The following SHPRH variants were observed in gnomAD, a reference collection of about 807,000 sequenced individuals.
The protein encoded by SHPRH is SNF2 histone linker PHD RING helicase, also known as E3 ubiquitin-protein ligase SHPRH.
SHPRH carries 106 observed loss-of-function variants against 202.5 expected under a neutral mutation model. That is an observed-to-expected ratio of 0.52 (90% CI 0.45 to 0.62). The LOEUF (loss-of-function observed/expected upper bound fraction) is 0.62. Ranked by LOEUF, SHPRH falls within the 20% of genes least tolerant of loss-of-function variation. SHPRH has a pLI of 0.00. For synonymous variants in SHPRH, 729 were observed against 686.0 expected, an observed-to-expected ratio of 1.06 and a Z score of -0.98; for missense variants, 1,710 against 2,020.0, an observed-to-expected ratio of 0.85 and a Z score of 2.94.
At chr6:145,921,847 TC>T (rs1404034526) in intron 20 of SHPRH, among the ~76,000 whole-genome samples, 1 of 152,052 alleles carries the variant, frequency 6.6e-6, no homozygotes, top group Non-Finnish European at 1.5e-5. Context: ...CTAACAAGCT[TC>T]CCTCTGAGAA....
chr6:145,926,523 G>T (rs549385823), intron 15 of SHPRH, among the ~76,000 whole-genome samples: 49 of 151,880 alleles, frequency 3.2e-4, no homozygotes, highest in African/African-American at 1.2e-3. Context: ...CAGAATATCA[G>T]ATTTATATTT....
At chr6:145,924,922 G>A (rs1784729938) in intron 16 of SHPRH, 76 bp from the exon 17 acceptor site, 1 of 1,174,688 alleles carries the variant, frequency 8.5e-7, no homozygotes, top group Admixed American at 1.9e-5. Context: ...AAGAAGAATG[G>A]GTCATTTTAT....
chr6:145,955,865 G>C (rs1788453846), intron 1 of SHPRH, among the ~76,000 whole-genome samples: 1 of 151,924 alleles, frequency 6.6e-6, no homozygotes, highest in South Asian at 2.1e-4. Context: ...GATATAATTA[G>C]CAGAAACAAA....
chr6:145,876,307 C>T (rs912503519), intron 2 of SHPRH, among the ~76,000 whole-genome samples: 6 of 152,124 alleles, frequency 3.9e-5, no homozygotes, highest in Admixed American at 3.3e-4. Flanking sequence ...CCAGGAGTTT[C>T]AGGCTGCAGT....
In SHPRH at chr6:145,955,349, T is replaced by C; in HGVS notation, c.-27A>G. 1 of 1,577,634 alleles carries C rather than the reference T, an allele frequency of 6.3e-7. No individual in the cohort carries two copies. Among genetic ancestry groups the C allele is most frequent in the Non-Finnish European group, 8.6e-7 (1 of 1,165,972 alleles). Reference sequence around the variant, plus strand: ...TTCAAGTTTTCTTGGCTGGTAACTGTGAACTCTAGAGGACAAATGAAACAA... The same window carrying C: ...TTCAAGTTTTCTTGGCTGGTAACTGCGAACTCTAGAGGACAAATGAAACAA... On this transcript the variant is annotated 5_prime_UTR_variant, in exon 2 of 30. Coordinates refer to ENST00000275233, the MANE Select transcript of SHPRH (RefSeq NM_001042683.3).
intron 23 of SHPRH, 36 bp downstream of exon 23, chr6:145,918,095 A>G: frequency 6.6e-7 from 1 of 1,515,438 alleles, no homozygotes; most frequent in Non-Finnish European, 9.0e-7. Context: ...ATGATAATGC[A>G]GCATAGGAAA....
intron 23 of SHPRH, among the ~76,000 whole-genome samples, chr6:145,916,805 T>A (rs891603706): frequency 6.6e-6 from 1 of 152,036 alleles, no homozygotes; most frequent in Admixed American, 6.6e-5. Context: ...TTTTTTGAGA[T>A]GGAATCTCGC....
At position 145,955,303 on chromosome 6, in the gene SHPRH, C is replaced by A. The variant is rs773082076; in HGVS notation, c.20G>T (p.Arg7Leu). The change falls in exon 2 of 30, where the codon CGT becomes CTT. Residue 7 changes from arginine (R) to leucine (L), a missense_variant. Physicochemically the swap from Arg to Leu is moderately radical, Grantham distance 102. Coordinates refer to ENST00000275233, the MANE Select transcript of SHPRH (RefSeq NM_001042683.3). MSSRRK[R>L]APPVRVDEEK... is the part of the protein sequence containing the mutation. ...CTCATCTACCCTCACTGGAGGAGCACGTTTCCGTCGGCTGCTCATTTTCAA... is the reference window on the plus strand; with the variant it reads ...CTCATCTACCCTCACTGGAGGAGCAAGTTTCCGTCGGCTGCTCATTTTCAA... 2.5e-6 allele frequency: 4 copies of A among 1,597,408 alleles called. No homozygotes were observed. The South Asian group carries it at 3.3e-5, about 13-fold the overall frequency.
chr6:145,889,251 A>G (rs908354020), intron 28 of SHPRH, among the ~76,000 whole-genome samples: 1 of 152,164 alleles, frequency 6.6e-6, no homozygotes, highest in Non-Finnish European at 1.5e-5. Context: ...CCCTCAGACC[A>G]CTGGCAAGAA....
At chr6:145,942,297 TTA>T (rs1262696241) in intron 9 of SHPRH, among the ~76,000 whole-genome samples, 1 of 152,196 alleles carries the variant, frequency 6.6e-6, no homozygotes, top group African/African-American at 2.4e-5. Context: ...GAAATGCCTT[TTA>T]TGTTTCAGAT....
At position 145,919,491 on chromosome 6, in the gene SHPRH, A is replaced by T; in HGVS notation, c.4009T>A (p.Leu1337Met). 4 of 1,612,350 alleles carry T rather than the reference A, an allele frequency of 2.5e-6. No individual in the cohort carries two copies. The highest frequency in any genetic ancestry group is 3.4e-6 in the Non-Finnish European group (4 of 1,178,998). The change falls in exon 22 of 30, where the codon TTG (leucine) becomes ATG (methionine). Residue 1337 changes from leucine (L) to methionine (M), a missense_variant and splice_region_variant. By Grantham distance (15) the Leu-to-Met change is conservative (BLOSUM62 2). Coordinates refer to ENST00000275233, the MANE Select transcript of SHPRH (RefSeq NM_001042683.3). ...LFEAWKKEYK[L>M]LHEYWMALRN... ...AGAGCCATCCAATATTCATGAAGCA[A>T]CTGAAGGAATAGAAAAGACAAACAC...
intron 25 of SHPRH, chr6:145,903,741 A>C (rs570519316): frequency 3.3e-5 from 5 of 152,174 alleles, no homozygotes; most frequent in Admixed American, 3.3e-4. Context: ...ACTCTTGACC[A>C]GTATATAGGG....
At chr6:145,867,625 T>TAGAGAG (rs1207602984) in intron 2 of SHPRH, among the ~76,000 whole-genome samples, 96 of 63,368 alleles carry the variant, frequency 1.5e-3, no homozygotes, top group African/African-American at 3.9e-3. Context: ...TATATATATA[T>TAGAGAG]ATATATAGAG....
intron 4 of SHPRH, 68 bp downstream of exon 4, chr6:145,950,196 C>T: frequency 8.4e-6 from 11 of 1,311,542 alleles, no homozygotes; most frequent in South Asian, 1.3e-5. Context: ...TCAATTTCAC[C>T]CTGCCCTAAT....
intron 25 of SHPRH, among the ~76,000 whole-genome samples, chr6:145,899,664 A>C (rs1782323624): frequency 1.3e-5 from 2 of 152,184 alleles, no homozygotes; most frequent in Non-Finnish European, 2.9e-5. Flanking sequence ...GATAAATAGG[A>C]TCGCATTAAA....
chr6:145,926,242 T>G lies in SHPRH; in HGVS notation c.3256A>C (p.Ile1086Leu). 6.2e-7 allele frequency: 1 copy of G among 1,612,974 alleles called. No homozygotes were observed. Among genetic ancestry groups the G allele is most frequent in the South Asian group, 1.1e-5 (1 of 91,044 alleles). Reference protein sequence around the residue: ...MELLIARHPGIPPTLRDGRLE... With the variant: ...MELLIARHPGLPPTLRDGRLE... ...CGGCCATCACGCAAGGTAGGTGGTA[T>G]CCCTGGGTGCCTGGCTATCAACAAT... The change falls in exon 16 of 30, where the codon ATA (isoleucine) becomes CTA (leucine). Residue 1086 changes from isoleucine (I) to leucine (L), a missense_variant. Ile to Leu is a conservative substitution (Grantham distance 5). Transcript: ENST00000275233.
intron 11 of SHPRH, among the ~76,000 whole-genome samples, chr6:145,937,328 G>C (rs1323456193): frequency 6.6e-6 from 1 of 152,074 alleles, no homozygotes; most frequent in Non-Finnish European, 1.5e-5. Flanking sequence ...ACCATTCATG[G>C]ATTTATGCAA....
chr6:145,947,744 G>A (rs1787550229), intron 5 of SHPRH, 101 bp from the exon 6 acceptor site: 1 of 1,358,444 alleles, frequency 7.4e-7, no homozygotes, highest in African/African-American at 1.5e-5. Flanking sequence ...AATGCATAAA[G>A]TCTAAGTTTA....
chr6:145,910,555 T>G lies in SHPRH; in HGVS notation c.4408A>C (p.Arg1470=), dbSNP rs1783401936. 6.2e-7 allele frequency: 1 copy of G among 1,613,018 alleles called. No individual in the cohort carries two copies. Among genetic ancestry groups the G allele is most frequent in the African/African-American group, 1.3e-5 (1 of 74,858 alleles). Reference sequence around the variant, plus strand: ...CAGATTGCACACTTAATGGAGCTTCTGTGAGATCCCACGCTGTATTGTTCA... The same window carrying G: ...CAGATTGCACACTTAATGGAGCTTCGGTGAGATCCCACGCTGTATTGTTCA... ...IIEQYSVGSH[R]SSIKCAICRQ... The change falls in exon 25 of 30, where the codon AGA becomes CGA. Residue 1470 remains arginine, a synonymous_variant. Transcript: ENST00000275233.
Sources: gnomAD v4.1 joint callset for allele counts (sites outside exome capture counted in the v4.1 genomes callset) on GRCh38, gnomAD v4.1.1 for gene constraint, MANE v1.5 for transcripts, NCBI Gene and HGNC (gene_info 2026-07-23, HGNC 2026-07-21) for gene names.